HYDIN: variants seen among roughly 807,000 people sequenced by gnomAD.
The protein encoded by HYDIN is HYDIN axonemal central pair apparatus protein.
HYDIN carries 132 observed loss-of-function variants against 403.9 expected under a neutral mutation model. That is an observed-to-expected ratio of 0.33 (90% confidence interval 0.28 to 0.38). The LOEUF (loss-of-function observed/expected upper bound fraction) is 0.38. HYDIN is among the 10% of genes least tolerant of loss of function. The pLI, the probability that HYDIN is intolerant of heterozygous loss-of-function variation, is 1.00. For missense variants in HYDIN, 2,827 were observed against 5,009.5 expected, an observed-to-expected ratio of 0.56 and a Z score of 13.15; for synonymous variants, 1,202 against 1,891.7, an observed-to-expected ratio of 0.64 and a Z score of 9.46.
intron 1 of HYDIN, among the ~76,000 whole-genome samples, chr16:71,207,426 A>G (rs2144722629): frequency 6.6e-6 from 1 of 152,370 alleles, no homozygotes; most frequent in African/African-American, 2.4e-5. Context: ...TCCTGAAAGA[A>G]GCAGTCAATA....
At chr16:70,823,647 A>T (rs2036403192) in intron 83 of HYDIN, among the ~76,000 whole-genome samples, 1 of 152,108 alleles carries the variant, frequency 6.6e-6, no homozygotes, top group African/African-American at 2.4e-5. Context: ...TAGTATTGCT[A>T]TTCCTTTAAC....
At chr16:71,222,548 G>A (rs927207367) in intron 1 of HYDIN, among the ~76,000 whole-genome samples, 1 of 152,078 alleles carries the variant, frequency 6.6e-6, no homozygotes, top group Middle Eastern at 3.2e-3. Flanking sequence ...AACTGTCACT[G>A]TTTGCCAGTT....
chr16:70,810,928 A>T (rs1011532228), intron 84 of HYDIN, among the ~76,000 whole-genome samples: 2 of 152,218 alleles, frequency 1.3e-5, no homozygotes, highest in South Asian at 4.1e-4. Context: ...CCAGAAATGC[A>T]TATATAGTAT....
At chr16:71,117,926 G>C (rs1214694270) in intron 9 of HYDIN, among the ~76,000 whole-genome samples, 1 of 151,674 alleles carries the variant, frequency 6.6e-6, no homozygotes, top group Middle Eastern at 3.2e-3. Flanking sequence ...GGGCTTAAGG[G>C]GGAGCAGAGA....
At chr16:71,220,037 T>A (rs138306002) in intron 1 of HYDIN, among the ~76,000 whole-genome samples, 1 of 152,282 alleles carries the variant, frequency 6.6e-6, no homozygotes, top group East Asian at 1.9e-4. Flanking sequence ...GTGGTCCAGG[T>A]CCTACTGGAA....
At chr16:71,164,639 C>G (rs2086140702) in intron 5 of HYDIN, among the ~76,000 whole-genome samples, 1 of 69,778 alleles carries the variant, frequency 1.4e-5, no homozygotes, top group African/African-American at 6.1e-5. Context: ...GTAGTTCTAT[C>G]TGTCCCCTTG....
chr16:71,168,333 A>AC (rs2086325829), intron 5 of HYDIN, among the ~76,000 whole-genome samples: 1 of 147,142 alleles, frequency 6.8e-6, no homozygotes, highest in Non-Finnish European at 1.5e-5. Context: ...AAAAAAAAAA[A>AC]AAAAAAGTAT....
chr16:70,845,956 C>T (rs1275858967), intron 75 of HYDIN, among the ~76,000 whole-genome samples: 30 of 150,840 alleles, frequency 2.0e-4, no homozygotes, highest in East Asian at 9.8e-4. Context: ...GTCTTGCTAG[C>T]GGTCTATCAG....
chr16:70,813,220 G>C (rs546740032), intron 84 of HYDIN, among the ~76,000 whole-genome samples: 36 of 152,008 alleles, frequency 2.4e-4, no homozygotes, highest in African/African-American at 8.7e-4. Flanking sequence ...CACAGTGCTG[G>C]GATTACAGGT....
intron 18 of HYDIN, among the ~76,000 whole-genome samples, chr16:71,040,007 G>A (rs529359209): frequency 1.3e-5 from 2 of 151,756 alleles, no homozygotes; most frequent in African/African-American, 4.8e-5. Context: ...TGCAGGCACC[G>A]CCCCCGCCCA....
chr16:70,812,250 G>A (rs2035553291), intron 84 of HYDIN, among the ~76,000 whole-genome samples: 1 of 133,638 alleles, frequency 7.5e-6, no homozygotes, highest in African/African-American at 2.9e-5. Flanking sequence ...AGCACTTTGG[G>A]AGGCTAAGGC....
intron 7 of HYDIN, among the ~76,000 whole-genome samples, chr16:71,151,097 T>C (rs899610627): frequency 2.6e-5 from 4 of 152,160 alleles, no homozygotes; most frequent in Admixed American, 6.5e-5. Context: ...GGTGGGAATG[T>C]AAAATGACAC....
chr16:70,868,897 A>C, intron 65 of HYDIN, 109 bp from the exon 66 acceptor site: 1 of 1,033,706 alleles, frequency 9.7e-7, no homozygotes, highest in South Asian at 1.6e-5. Context: ...TTGGCAAAAA[A>C]TGCATGTTAA....
At position 70,853,875 on chromosome 16, in the gene HYDIN, TTTC is replaced by T. The variant is rs1325804563; in HGVS notation, c.12443+1250_12443+1252del. Among the ~76,000 whole-genome samples, 215 of 147,760 alleles carry T rather than the reference TTTC, an allele frequency of 1.5e-3. 3 individuals are homozygous for T. The highest frequency in any genetic ancestry group is 5.4e-3 in the African/African-American group (204 of 37,674). ...ACAGTACAGAGTTATCTTTGTCTTATTTCTTCTTCTTTCTTTCTTTTTTTTTTT... is the reference window on the plus strand; with the variant it reads ...ACAGTACAGAGTTATCTTTGTCTTATTTCTTCTTTCTTTCTTTTTTTTTTT... On this transcript the variant is annotated intron_variant, in intron 73 of 85. Coordinates refer to ENST00000393567, the MANE Select transcript of HYDIN (RefSeq NM_001270974.2).
At chr16:70,817,843 G>A (rs1320318594) in intron 84 of HYDIN, among the ~76,000 whole-genome samples, 1 of 152,114 alleles carries the variant, frequency 6.6e-6, no homozygotes, top group Non-Finnish European at 1.5e-5. Context: ...CTGGGTTCAA[G>A]CAATTCTTCT....
rs780751489 is a variant in HYDIN at position 71,057,340 on chromosome 16, A to AT, written c.2529+3163dup. ...CTCTATTAAAAAGACCAGTGACCAT[A>AT]TGTGAATGTGGCTGCCTTCATAATG... is the stretch of plus-strand genomic sequence containing the variant. On this transcript the variant is annotated intron_variant, in intron 18 of 85. Transcript: ENST00000393567. Among the ~76,000 whole-genome samples, 7 of 151,902 alleles carry AT rather than the reference A, an allele frequency of 4.6e-5. No homozygotes were observed. The South Asian group carries it at 1.5e-3, about 32-fold the overall frequency.
intron 10 of HYDIN, among the ~76,000 whole-genome samples, chr16:71,101,847 T>A: frequency 6.6e-6 from 1 of 152,094 alleles, no homozygotes; most frequent in African/African-American, 2.4e-5. Context: ...TGGGGATATA[T>A]CCTAGAAAAA....
chr16:70,955,656 C>G lies in HYDIN; in HGVS notation c.6143-108G>C, dbSNP rs1227524802. The G allele has an allele frequency of 7.2e-5, 41 of 571,698 alleles. No homozygotes were observed. The East Asian group carries it at 1.1e-3, about 16-fold the overall frequency. 35.4% of individuals were successfully genotyped at this position (571,698 alleles called of 1,614,324 possible). Reference sequence around the variant, plus strand: ...CCCTGCAAAGTGATCTCTCTGAGTGCTCTGCCTCCTTCCCATGTGGCTGGA... The same window carrying G: ...CCCTGCAAAGTGATCTCTCTGAGTGGTCTGCCTCCTTCCCATGTGGCTGGA... On this transcript the variant is annotated intron_variant, in intron 39 of 85. Transcript: ENST00000393567.
At chr16:70,847,071 T>G (rs2038261891) in intron 75 of HYDIN, among the ~76,000 whole-genome samples, 1 of 151,522 alleles carries the variant, frequency 6.6e-6, no homozygotes, top group African/African-American at 2.4e-5. Flanking sequence ...ATGTGTGAAT[T>G]TGATCCTGTC....
Sources: allele counts gnomAD v4.1 joint callset (sites outside exome capture counted in the v4.1 genomes callset), GRCh38; gene constraint gnomAD v4.1.1; transcripts MANE v1.5; gene names NCBI Gene and HGNC (gene_info 2026-07-23, HGNC 2026-07-21).